The following HEATR5B variants were observed in gnomAD, a reference collection of about 807,000 sequenced individuals.
The protein encoded by HEATR5B is HEAT repeat-containing protein 5B.
HEATR5B carries 156 observed loss-of-function variants against 224.1 expected under a neutral mutation model. That is an observed-to-expected ratio of 0.70 (90% CI 0.61 to 0.80). The LOEUF (loss-of-function observed/expected upper bound fraction) is 0.80, where lower values mean the gene tolerates loss of function less well. HEATR5B is among the 30% of genes least tolerant of loss of function. The pLI is 0.00. For missense variants in HEATR5B, 2,323 were observed against 2,535.5 expected, an observed-to-expected ratio of 0.92 and a Z score of 1.80; for synonymous variants, 1,027 against 893.0, an observed-to-expected ratio of 1.15 and a Z score of -2.68.
intron 24 of HEATR5B, among the ~76,000 whole-genome samples, chr2:37,022,632 T>C (rs1239743298): frequency 6.6e-6 from 1 of 152,212 alleles, no homozygotes; most frequent in Non-Finnish European, 1.5e-5. Context: ...GGCTGGAGTC[T>C]GCCAATCTCT....
chr2:36,994,301 G>T (rs1051275964), intron 33 of HEATR5B, among the ~76,000 whole-genome samples: 3 of 152,102 alleles, frequency 2.0e-5, no homozygotes, highest in Non-Finnish European at 4.4e-5. Flanking sequence ...AAAGTCAAAG[G>T]ATCTAAAAAC....
intron 24 of HEATR5B, among the ~76,000 whole-genome samples, chr2:37,021,193 A>G (rs1338086732): frequency 6.6e-6 from 1 of 152,244 alleles, no homozygotes; most frequent in African/African-American, 2.4e-5. Context: ...GAAAGAAAAC[A>G]GACTCTTGGG....
chr2:37,028,635 A>G (rs756804766), intron 23 of HEATR5B, 46 bp downstream of exon 23: 11 of 1,541,554 alleles, frequency 7.1e-6, no homozygotes, highest in Non-Finnish European at 8.0e-6. Context: ...ATATATCAGA[A>G]GTAAAACAAT....
In HEATR5B at chr2:36,981,402, G is replaced by T; in HGVS notation, c.*88C>A. On this transcript the variant is annotated 3_prime_UTR_variant, in exon 36 of 36. Coordinates refer to ENST00000233099, the MANE Select transcript of HEATR5B (RefSeq NM_019024.3). ...ATAATACCAATATACAAATAAAACA[G>T]AACCCATAGGTAGCCTGGAATGATA... The T allele has an allele frequency of 1.0e-6, 1 of 993,122 alleles. No individual in the cohort carries two copies. 61.5% of individuals were successfully genotyped at this position (993,122 alleles called of 1,614,324 possible).
intron 33 of HEATR5B, among the ~76,000 whole-genome samples, chr2:36,999,741 G>A (rs745888844): frequency 3.3e-5 from 5 of 151,680 alleles, no homozygotes; most frequent in African/African-American, 7.3e-5. Flanking sequence ...GGCCGGGTGC[G>A]GTAGCTCACG....
chr2:37,079,128 T>C lies in HEATR5B; in HGVS notation c.330A>G (p.Pro110=). 1 of 1,588,232 alleles carries C rather than the reference T, an allele frequency of 6.3e-7. No homozygotes were observed. Among genetic ancestry groups the C allele is most frequent in the Middle Eastern group, 1.9e-4 (1 of 5,240 alleles). The change falls in exon 3 of 36, where the codon CCA becomes CCG. Residue 110 remains proline (P), a synonymous_variant. Coordinates refer to ENST00000233099, the MANE Select transcript of HEATR5B (RefSeq NM_019024.3). ...TTAAAGTAAGTACTTACAATTTTGT[T>C]GGTAAGTAGGCCGCAGTGTCATCTT... ...RNKDDTAAYL[P]TKLAAVACVG...
chr2:37,022,791 C>A (rs1668544945), intron 24 of HEATR5B, among the ~76,000 whole-genome samples: 1 of 152,140 alleles, frequency 6.6e-6, no homozygotes. Context: ...AAGCAAGTCT[C>A]AGAATAATTA....
At chr2:37,069,788 C>A (rs1671795690) in intron 7 of HEATR5B, among the ~76,000 whole-genome samples, 1 of 151,910 alleles carries the variant, frequency 6.6e-6, no homozygotes, top group Admixed American at 6.6e-5. Context: ...GTAATTCATT[C>A]ATTCGGTAAA....
chr2:37,025,848 T>C (rs1668735370), intron 24 of HEATR5B, among the ~76,000 whole-genome samples: 1 of 152,212 alleles, frequency 6.6e-6, no homozygotes, highest in African/African-American at 2.4e-5. Flanking sequence ...CTTCCTCTGA[T>C]TCTTTTTATT....
chr2:37,080,027 AG>A (rs1337295535), intron 2 of HEATR5B, among the ~76,000 whole-genome samples: 10 of 152,176 alleles, frequency 6.6e-5, no homozygotes. Flanking sequence ...AAAGAAGTGA[AG>A]GGGTGAGCCA....
intron 21 of HEATR5B, among the ~76,000 whole-genome samples, chr2:37,035,472 G>T (rs962738423): frequency 7.2e-5 from 11 of 152,118 alleles, no homozygotes; most frequent in African/African-American, 2.7e-4. Flanking sequence ...TCTTACTGGA[G>T]ATTATGGTAA....
chr2:37,032,626 T>G lies in HEATR5B; in HGVS notation c.3361+3A>C. On this transcript the variant is annotated splice_donor_region_variant and intron_variant, in intron 22 of 35. Coordinates refer to ENST00000233099, the MANE Select transcript of HEATR5B (RefSeq NM_019024.3). The stretch of plus-strand genomic sequence containing the variant: ...AACAATATTGACCAATAATATAACT[T>G]ACTGGCACTACTGCTCTCTTTGTCC... 6.2e-7 allele frequency: 1 copy of G among 1,607,972 alleles called. No homozygotes were observed. The highest frequency in any genetic ancestry group is 8.5e-7 in the Non-Finnish European group (1 of 1,177,942).
intron 30 of HEATR5B, 108 bp from the exon 31 acceptor site, chr2:37,003,794 T>A: frequency 1.5e-6 from 1 of 670,592 alleles, no homozygotes. Context: ...ATCAGGTAGC[T>A]AAAATTAAAA....
At chr2:37,066,678 C>T (rs1335562862) in intron 8 of HEATR5B, among the ~76,000 whole-genome samples, 1 of 151,948 alleles carries the variant, frequency 6.6e-6, no homozygotes, top group Non-Finnish European at 1.5e-5. Context: ...GCCCACAAAT[C>T]CCCAATACGT....
chr2:37,053,523 A>C lies in HEATR5B; in HGVS notation c.2484T>G (p.Thr828=), dbSNP rs1017318013. 2 of 1,604,540 alleles carry C rather than the reference A, an allele frequency of 1.2e-6. No homozygotes were observed. The highest frequency in any genetic ancestry group is 3.4e-5 in the Admixed American group (2 of 59,586). ...RQQAVQLNIF[T]AVLSALKGLA... ...ATACCTTTAGTGCACTAAGAACAGC[A>C]GTAAATATGTTAAGCTGCACAGCCT... Residue 828 remains threonine (T), a synonymous_variant, in exon 17 of 36, where the codon ACT becomes ACG. Transcript: ENST00000233099.
rs763272258 is a variant in HEATR5B at position 37,077,003 on chromosome 2, C to T, written c.355G>A (p.Val119Ile). 3.1e-6 allele frequency: 5 copies of T among 1,613,974 alleles called. No homozygotes were observed. In the Admixed American group the frequency reaches 5.0e-5, roughly 16 times the overall value. The change falls in exon 4 of 36, where the codon GTC becomes ATC. Residue 119 changes from valine to isoleucine, a missense_variant. By Grantham distance (29) the Val-to-Ile change is conservative (BLOSUM62 3). Transcript: ENST00000233099. ...LPTKLAAVAC[V>I]GAFYEKMGRM... ...CCCATTTTTTCATAAAATGCTCCGA[C>T]ACAAGCCACCGCAGCCCTGTAAGAA...
rs1181062593 is a variant in HEATR5B, at chr2:37,002,512, C to A, written c.5111G>T (p.Gly1704Val). 1.9e-6 allele frequency: 3 copies of A among 1,614,026 alleles called. No individual in the cohort carries two copies. Among genetic ancestry groups the A allele is most frequent in the Non-Finnish European group, 2.5e-6 (3 of 1,179,982 alleles). Reference protein sequence around the residue: ...TVLGEGGDSGGLIPGKSLVFA... With the variant: ...TVLGEGGDSGVLIPGKSLVFA... ...CACAAGAGATTTTCCAGGAATGAGA[C>A]CACCGCTGTCACCTCCTTCTCCCAA... is the stretch of plus-strand genomic sequence containing the variant. Residue 1704 changes from glycine to valine, a missense_variant, in exon 32 of 36, where the codon GGT becomes GTT. Physicochemically the swap from Gly to Val is moderately radical, Grantham distance 109 (BLOSUM62 -3). Around this residue, in one of 12 missense-constraint regions of HEATR5B, gnomAD observed 844 missense variants for 812.9 expected, o/e 1.04. Coordinates refer to ENST00000233099, the MANE Select transcript of HEATR5B (RefSeq NM_019024.3).
At chr2:37,006,057 A>C (rs115774953) in intron 29 of HEATR5B, among the ~76,000 whole-genome samples, 1,962 of 152,338 alleles carry the variant, frequency 0.013, 24 homozygotes, top group Non-Finnish European at 0.018. Context: ...ATAATACATT[A>C]AGAAAATAAA....
intron 24 of HEATR5B, among the ~76,000 whole-genome samples, chr2:37,023,588 G>A (rs969314539): frequency 1.3e-5 from 2 of 152,068 alleles, no homozygotes; most frequent in Admixed American, 1.3e-4. Context: ...GGCCAACATG[G>A]TGAAACCTCG....
Sources: allele counts gnomAD v4.1 joint callset (sites outside exome capture counted in the v4.1 genomes callset), GRCh38; gene constraint gnomAD v4.1.1; regional missense constraint gnomAD v4.1.1; transcripts MANE v1.5; gene names NCBI Gene and HGNC (gene_info 2026-07-23, HGNC 2026-07-21).